KHDRBS2: variants seen among roughly 807,000 people sequenced by gnomAD.
The protein encoded by KHDRBS2 is KH domain-containing, RNA-binding, signal transduction-associated protein 2.
KHDRBS2 carries 26 observed loss-of-function variants against 44.3 expected under a neutral mutation model. The observed-to-expected ratio is 0.59, with a 90% CI of 0.43 to 0.81. The LOEUF is 0.81. Ranked by LOEUF, KHDRBS2 falls within the 40% of genes least tolerant of loss-of-function variation. The pLI is 0.00. For synonymous variants in KHDRBS2, 194 were observed against 151.1 expected, an observed-to-expected ratio of 1.28 and a Z score of -2.08; for missense variants, 476 against 433.1, an observed-to-expected ratio of 1.10 and a Z score of -0.88.
intron 6 of KHDRBS2, among the ~76,000 whole-genome samples, chr6:61,746,198 C>A (rs1582564886): frequency 6.6e-6 from 1 of 152,114 alleles, no homozygotes; most frequent in East Asian, 1.9e-4. Context: ...ATTGTTAATG[C>A]TGTCATGACT....
chr6:62,065,068 C>T (rs1402393929), intron 2 of KHDRBS2, among the ~76,000 whole-genome samples: 1 of 152,144 alleles, frequency 6.6e-6, no homozygotes, highest in Non-Finnish European at 1.5e-5. Flanking sequence ...AAACGCAAAT[C>T]AAAACCACAA....
the KHDRBS2 span, among the ~76,000 whole-genome samples, chr6:61,587,562 G>T: frequency 4.4e-3 from 664 of 152,144 alleles, 6 homozygotes; most frequent in African/African-American, 0.015. Flanking sequence ...ACTAAAGTTG[G>T]CATGGATGTC....
At chr6:61,621,896 G>A in the KHDRBS2 span, among the ~76,000 whole-genome samples, 1 of 152,130 alleles carries the variant, frequency 6.6e-6, no homozygotes. Flanking sequence ...CCCATGAGAA[G>A]GTATTTAGGT....
chr6:61,782,876 A>T (rs2127582122), intron 6 of KHDRBS2, among the ~76,000 whole-genome samples: 1 of 151,804 alleles, frequency 6.6e-6, no homozygotes, highest in Non-Finnish European at 1.5e-5. Context: ...CTTGAAATAG[A>T]TGGCTACTCA....
At chr6:61,929,990 T>C (rs1453653937) in intron 4 of KHDRBS2, among the ~76,000 whole-genome samples, 2 of 152,136 alleles carry the variant, frequency 1.3e-5, no homozygotes, top group African/African-American at 4.8e-5. Context: ...TGTGATAGTA[T>C]TAAGATGTAA....
chr6:61,602,230 G>A, the KHDRBS2 span, among the ~76,000 whole-genome samples: 3 of 152,178 alleles, frequency 2.0e-5, no homozygotes, highest in African/African-American at 7.2e-5. Flanking sequence ...AGGCACCCAA[G>A]TAGCAATGTA....
intron 1 of KHDRBS2, among the ~76,000 whole-genome samples, chr6:62,273,022 T>C (rs1840331262): frequency 1.3e-5 from 2 of 152,092 alleles, no homozygotes; most frequent in African/African-American, 4.8e-5. Context: ...AAGGGATACA[T>C]AAGTTAAAGT....
chr6:62,177,440 G>C (rs1194684297), intron 1 of KHDRBS2, 128 bp from the exon 2 acceptor site: 2 of 709,088 alleles, frequency 2.8e-6, no homozygotes, highest in Non-Finnish European at 4.4e-6. Flanking sequence ...GATGAATATT[G>C]ATAAAAGGCC....
At chr6:61,885,617 C>A (rs1407874225) in intron 6 of KHDRBS2, among the ~76,000 whole-genome samples, 1 of 152,102 alleles carries the variant, frequency 6.6e-6, no homozygotes, top group East Asian at 1.9e-4. Flanking sequence ...ACAAAATATT[C>A]CTCTAAACCC....
At chr6:61,698,143 T>A (rs1281901429) in intron 7 of KHDRBS2, among the ~76,000 whole-genome samples, 1 of 152,158 alleles carries the variant, frequency 6.6e-6, no homozygotes, top group Non-Finnish European at 1.5e-5. Flanking sequence ...TAGTGTTCAT[T>A]TTACTTTAGC....
At chr6:61,593,836 G>T in the KHDRBS2 span, among the ~76,000 whole-genome samples, 2 of 151,972 alleles carry the variant, frequency 1.3e-5, no homozygotes, top group South Asian at 4.1e-4. Flanking sequence ...CTTACTGCAA[G>T]GTCAGAAACT....
At chr6:61,821,453 G>A (rs893783209) in intron 6 of KHDRBS2, among the ~76,000 whole-genome samples, 1 of 152,002 alleles carries the variant, frequency 6.6e-6, no homozygotes, top group Non-Finnish European at 1.5e-5. Context: ...TGAGGACTCA[G>A]CTGGATCTAT....
chr6:61,569,489 T>C, the KHDRBS2 span, among the ~76,000 whole-genome samples: 1 of 152,118 alleles, frequency 6.6e-6, no homozygotes, highest in East Asian at 1.9e-4. Context: ...ACTCAGGCCA[T>C]TATAGCAACT....
At position 62,007,311 on chromosome 6, in the gene KHDRBS2, G is replaced by C. The variant is rs1219836509; in HGVS notation, c.337-29099C>G. ...TTTAAACAGTTTGTTGTCCAGTAAA[G>C]GTCCAGTTCTGAGGACCTTTACTCT... On this transcript the variant is annotated intron_variant, in intron 3 of 8. Coordinates refer to ENST00000281156, the MANE Select transcript of KHDRBS2 (RefSeq NM_152688.4). Among the ~76,000 whole-genome samples the C allele has an allele frequency of 2.6e-5, 4 of 151,858 alleles. No homozygotes were observed. In the East Asian group the frequency reaches 7.7e-4, roughly 29 times the overall value.
the KHDRBS2 span, among the ~76,000 whole-genome samples, chr6:61,600,439 C>T: frequency 1.8e-3 from 268 of 152,226 alleles, no homozygotes; most frequent in South Asian, 3.1e-3. Flanking sequence ...TTGTGAACCC[C>T]GCCCCTGCCA....
chr6:61,651,548 C>T, the KHDRBS2 span, among the ~76,000 whole-genome samples: 4 of 151,946 alleles, frequency 2.6e-5, no homozygotes, highest in African/African-American at 9.7e-5. Flanking sequence ...GAATTTTGGA[C>T]TTTGGATTAG....
intron 7 of KHDRBS2, among the ~76,000 whole-genome samples, chr6:61,702,392 C>T (rs1288012042): frequency 6.6e-6 from 1 of 151,928 alleles, no homozygotes; most frequent in African/African-American, 2.4e-5. Context: ...GCCCACCTAC[C>T]TGCCCTAGCC....
chr6:61,574,171 C>T, the KHDRBS2 span, among the ~76,000 whole-genome samples: 1 of 152,114 alleles, frequency 6.6e-6, no homozygotes, highest in Admixed American at 6.6e-5. Context: ...AAAAGGAACT[C>T]GGCAAATCTT....
the KHDRBS2 span, among the ~76,000 whole-genome samples, chr6:61,547,478 C>G: frequency 6.6e-6 from 1 of 152,072 alleles, no homozygotes; most frequent in African/African-American, 2.4e-5. Context: ...TTGATGGACC[C>G]AGCTAACAAA....
Sources: gnomAD v4.1 joint callset for allele counts (sites outside exome capture counted in the v4.1 genomes callset) on GRCh38, gnomAD v4.1.1 for gene constraint, MANE v1.5 for transcripts, NCBI Gene and HGNC (gene_info 2026-07-23, HGNC 2026-07-21) for gene names.